TXK: variants seen among roughly 807,000 people sequenced by gnomAD.
TXK encodes tyrosine-protein kinase TXK.
A neutral mutation model predicts 81.0 loss-of-function variants in TXK; 60 were observed. That is an observed-to-expected ratio of 0.74 (90% CI 0.60 to 0.92). The LOEUF is 0.92. TXK is among the 40% of genes least tolerant of loss of function. The pLI is 0.00. For missense variants in TXK, 581 were observed against 638.3 expected, an observed-to-expected ratio of 0.91 and a Z score of 0.97; for synonymous variants, 203 against 210.7, an observed-to-expected ratio of 0.96 and a Z score of 0.32.
At chr4:48,076,968 A>G (rs56672591) in intron 11 of TXK, among the ~76,000 whole-genome samples, 5,542 of 152,308 alleles carry the variant, frequency 0.036, 350 homozygotes, top group African/African-American at 0.13. Flanking sequence ...TGATACAACT[A>G]TGAATCTTGG....
chr4:48,073,083 C>A lies in TXK; in HGVS notation c.1357+852G>T, dbSNP rs547227305. On this transcript the variant is annotated intron_variant, in intron 13 of 14. Coordinates refer to ENST00000264316, the MANE Select transcript of TXK (RefSeq NM_003328.3). Reference sequence around the variant, plus strand: ...GGGACTACAGGTATATGCCACCACACCTGGCTAATTTTTTTTTTTTTTTTG... The same window carrying A: ...GGGACTACAGGTATATGCCACCACAACTGGCTAATTTTTTTTTTTTTTTTG... Among the ~76,000 whole-genome samples the A allele has an allele frequency of 1.8e-3, 224 of 126,690 alleles. 1 individual carries two copies. Among genetic ancestry groups the A allele is most frequent in the African/African-American group, 6.3e-3 (219 of 34,650 alleles). 83.1% of individuals were successfully genotyped at this position (126,690 alleles called of 152,430 possible).
intron 6 of TXK, among the ~76,000 whole-genome samples, chr4:48,097,420 C>T (rs1012152468): frequency 4.8e-5 from 4 of 83,774 alleles, no homozygotes; most frequent in South Asian, 7.3e-4. Flanking sequence ...AAAAAGCTAC[C>T]ACTTTTTTTT....
chr4:48,127,210 GA>G (rs1246931114), intron 1 of TXK, among the ~76,000 whole-genome samples: 1 of 152,208 alleles, frequency 6.6e-6, no homozygotes, highest in Non-Finnish European at 1.5e-5. Context: ...ATCACACTAT[GA>G]AAGCCAAACA....
At chr4:48,084,923 C>CGAGAATGGGTCCAGTTAATCGAGA (rs1234656236) in intron 10 of TXK, among the ~76,000 whole-genome samples, 346 of 150,608 alleles carry the variant, frequency 2.3e-3, no homozygotes, top group Non-Finnish European at 3.2e-3. Flanking sequence ...TCCAGTTAAT[C>CGAGAATGGGTCCAGTTAATCGAGA]ACCTCTGATT....
At chr4:48,087,293 T>A (rs888959836) in intron 9 of TXK, among the ~76,000 whole-genome samples, 9 of 152,296 alleles carry the variant, frequency 5.9e-5, no homozygotes, top group African/African-American at 2.2e-4. Flanking sequence ...TGGTTTAGTG[T>A]CTCCTTTTAA....
chr4:48,106,819 G>C (rs1718474482), intron 5 of TXK, among the ~76,000 whole-genome samples: 1 of 152,100 alleles, frequency 6.6e-6, no homozygotes, highest in South Asian at 2.1e-4. Flanking sequence ...ATTATTTTAA[G>C]AGAATCTGGC....
At chr4:48,094,964 G>T (rs1046567639) in intron 7 of TXK, among the ~76,000 whole-genome samples, 179 bp downstream of exon 7, 1 of 152,188 alleles carries the variant, frequency 6.6e-6, no homozygotes, top group Admixed American at 6.5e-5. Flanking sequence ...GACGGGAGAG[G>T]TTAAGAAACT....
intron 4 of TXK, among the ~76,000 whole-genome samples, chr4:48,111,144 A>G (rs1329634994): frequency 6.6e-6 from 1 of 152,204 alleles, no homozygotes; most frequent in Non-Finnish European, 1.5e-5. Context: ...TCAAAGGAGG[A>G]TATACCAACT....
chr4:48,113,982 G>A (rs1718722592), intron 2 of TXK, among the ~76,000 whole-genome samples: 1 of 152,164 alleles, frequency 6.6e-6, no homozygotes. Flanking sequence ...CAAAGTATAA[G>A]ATACACCGGT....
At position 48,087,363 on chromosome 4, in the gene TXK, T is replaced by A. The variant is rs959771439; in HGVS notation, c.785-726A>T. On this transcript the variant is annotated intron_variant, in intron 9 of 14. Transcript: ENST00000264316. ...TAATGCATTTAAAAGAATTGTAAAA[T>A]CTGATAGTCCCTTCTACCAGCTATG... Among the ~76,000 whole-genome samples the A allele has an allele frequency of 2.6e-5, 4 of 152,130 alleles. No homozygotes were observed. In the South Asian group the frequency reaches 6.2e-4, roughly 24 times the overall value.
chr4:48,071,465 G>T, intron 14 of TXK, 52 bp downstream of exon 14: 1 of 1,546,856 alleles, frequency 6.5e-7, no homozygotes, highest in African/African-American at 1.4e-5. Context: ...AATCAGGTCT[G>T]CTCTCAGATG....
At chr4:48,098,495 C>T (rs1409513533) in intron 6 of TXK, among the ~76,000 whole-genome samples, 6 of 152,138 alleles carry the variant, frequency 3.9e-5, no homozygotes, top group Admixed American at 2.6e-4. Context: ...AAAAACCACA[C>T]GAACATCCCT....
chr4:48,091,499 CT>C (rs1717772691), intron 8 of TXK, among the ~76,000 whole-genome samples: 1 of 149,398 alleles, frequency 6.7e-6, no homozygotes, highest in Non-Finnish European at 1.5e-5. Context: ...ATTTACATTT[CT>C]TTTTCTTTTC....
At chr4:48,077,074 T>C (rs1717099698) in intron 11 of TXK, among the ~76,000 whole-genome samples, 1 of 152,208 alleles carries the variant, frequency 6.6e-6, no homozygotes, top group African/African-American at 2.4e-5. Context: ...GGATCTCTAA[T>C]ACGTAATAAA....
At chr4:48,109,276 C>T (rs1718558361) in intron 5 of TXK, 1 of 152,018 alleles carries the variant, frequency 6.6e-6, no homozygotes, top group Non-Finnish European at 1.5e-5. Flanking sequence ...ATTCTCCCAC[C>T]TCAGTCTCCC....
At chr4:48,104,143 C>T (rs1020784734) in intron 6 of TXK, among the ~76,000 whole-genome samples, 1 of 139,156 alleles carries the variant, frequency 7.2e-6, no homozygotes, top group African/African-American at 2.7e-5. Flanking sequence ...GTCAAGACTT[C>T]AGTCAGCTGT....
rs1476524442 is a variant in TXK at position 48,134,201 on chromosome 4, G to C, written c.-31C>G. 1.4e-5 allele frequency: 23 copies of C among 1,611,944 alleles called. No homozygotes were observed. The highest frequency in any genetic ancestry group is 2.7e-5 in the African/African-American group (2 of 74,892). ...CCCCTTCTGCGGGGAGCACACAACA[G>C]TCTTCAGTTCTTCTGCGGTGCTCTA... On this transcript the variant is annotated 5_prime_UTR_variant, in exon 1 of 15. Coordinates refer to ENST00000264316, the MANE Select transcript of TXK (RefSeq NM_003328.3).
chr4:48,134,215 T>C lies in TXK; in HGVS notation c.-45A>G. 6.2e-7 allele frequency: 1 copy of C among 1,609,080 alleles called. No homozygotes were observed. Among genetic ancestry groups the C allele is most frequent in the South Asian group, 1.1e-5 (1 of 89,632 alleles). ...AGCACACAACAGTCTTCAGTTCTTC[T>C]GCGGTGCTCTACTCACAAAAACACA... On this transcript the variant is annotated 5_prime_UTR_variant, in exon 1 of 15. Coordinates refer to ENST00000264316, the MANE Select transcript of TXK (RefSeq NM_003328.3).
At chr4:48,117,194 A>G (rs912928423) in intron 1 of TXK, among the ~76,000 whole-genome samples, 2 of 152,108 alleles carry the variant, frequency 1.3e-5, no homozygotes, top group Non-Finnish European at 2.9e-5. Context: ...GGCCCATCCT[A>G]AAGTGGAAAT....
Sources: gnomAD v4.1 joint callset for allele counts (sites outside exome capture counted in the v4.1 genomes callset) on GRCh38, gnomAD v4.1.1 for gene constraint, MANE v1.5 for transcripts, NCBI Gene and HGNC (gene_info 2026-07-23, HGNC 2026-07-21) for gene names.